Variants in CSMD1 observed in about 807,000 individuals in gnomAD.
CSMD1 encodes CUB and sushi domain-containing protein 1.
Under a neutral mutation model 417.5 loss-of-function variants are expected in CSMD1, and 213 were observed. The ratio of observed to expected loss-of-function variants is 0.51; its 90% confidence interval spans 0.46 to 0.57. The LOEUF (loss-of-function observed/expected upper bound fraction) is 0.57. Among genes scored for constraint, CSMD1 ranks in the 20% least tolerant of loss-of-function variants. The probability of loss-of-function intolerance (pLI) is 0.00; values close to 1 mark genes in which losing one functional copy is unlikely to be tolerated. For synonymous variants in CSMD1, 2,862 were observed against 1,736.8 expected (o/e 1.65, Z -16.11); for missense variants, 6,923 against 4,529.7 (o/e 1.53, Z -15.17).
At chr8:4,313,057 G>T (rs1179894681) in intron 3 of CSMD1, among the ~76,000 whole-genome samples, 1 of 152,080 alleles carries the variant, frequency 6.6e-6, no homozygotes, top group Non-Finnish European at 1.5e-5. Flanking sequence ...AACTACAAAT[G>T]AATATAGTCC....
chr8:4,208,755 C>T (rs761713053), intron 3 of CSMD1, among the ~76,000 whole-genome samples: 4 of 152,122 alleles, frequency 2.6e-5, no homozygotes, highest in South Asian at 4.2e-4. Flanking sequence ...AATATATTGT[C>T]GTGGAAATTT....
intron 3 of CSMD1, among the ~76,000 whole-genome samples, chr8:4,296,322 T>C (rs2128870542): frequency 6.6e-6 from 1 of 152,272 alleles, no homozygotes; most frequent in South Asian, 2.1e-4. Context: ...TTATAAATTC[T>C]ATAGTTCAGG....
At chr8:4,865,794 C>A (rs1802393464) in intron 1 of CSMD1, among the ~76,000 whole-genome samples, 1 of 151,940 alleles carries the variant, frequency 6.6e-6, no homozygotes, top group African/African-American at 2.4e-5. Flanking sequence ...ATGCATTGCC[C>A]AGTTTTTTAA....
At chr8:3,367,309 CAG>C in intron 19 of CSMD1, 62 bp from the exon 20 acceptor site, 1 of 1,046,014 alleles carries the variant, frequency 9.6e-7, no homozygotes, top group Non-Finnish European at 1.4e-6. Context: ...GCGGCGGGGG[CAG>C]AGAGGGAGCG....
intron 5 of CSMD1, among the ~76,000 whole-genome samples, chr8:3,891,955 C>A (rs903111093): frequency 6.6e-6 from 1 of 152,054 alleles, no homozygotes; most frequent in African/African-American, 2.4e-5. Context: ...CATTTTCCAG[C>A]GTCCAAAAGC....
At chr8:3,860,538 C>T (rs1280431554) in intron 5 of CSMD1, among the ~76,000 whole-genome samples, 3 of 152,012 alleles carry the variant, frequency 2.0e-5, no homozygotes, top group Non-Finnish European at 1.5e-5. Context: ...CTCTGGTGGC[C>T]TGGATTTACC....
At chr8:4,483,133 T>G (rs1464971072) in intron 2 of CSMD1, among the ~76,000 whole-genome samples, 19 of 152,264 alleles carry the variant, frequency 1.2e-4, no homozygotes, top group Admixed American at 1.2e-3. Flanking sequence ...TGGTGGTGGA[T>G]AAGTCTCATG....
chr8:4,704,831 T>A (rs1373891322), intron 1 of CSMD1, among the ~76,000 whole-genome samples: 1 of 152,142 alleles, frequency 6.6e-6, no homozygotes, highest in East Asian at 1.9e-4. Context: ...TCCTACTGCA[T>A]CTCTATGCTG....
intron 7 of CSMD1, among the ~76,000 whole-genome samples, chr8:3,669,185 T>C (rs1798857169): frequency 1.3e-5 from 2 of 152,214 alleles, no homozygotes; most frequent in East Asian, 1.9e-4. Context: ...TAAAGTTATG[T>C]TTTAATTGAA....
chr8:4,762,313 T>G (rs904220639), intron 1 of CSMD1, among the ~76,000 whole-genome samples: 17 of 152,164 alleles, frequency 1.1e-4, no homozygotes, highest in African/African-American at 4.1e-4. Context: ...AGCTGTTTAC[T>G]GGTATAACAT....
At chr8:2,939,317 G>A (rs186685133) in intron 69 of CSMD1, among the ~76,000 whole-genome samples, 44 of 152,182 alleles carry the variant, frequency 2.9e-4, no homozygotes, top group Non-Finnish European at 2.6e-4. Context: ...TCAAGTTTAA[G>A]CTTTTAGTTC....
chr8:4,018,639 G>A (rs990416221), intron 4 of CSMD1, among the ~76,000 whole-genome samples: 1 of 152,200 alleles, frequency 6.6e-6, no homozygotes, highest in African/African-American at 2.4e-5. Flanking sequence ...GTTTCTCAAG[G>A]AGAAAACACT....
At chr8:4,056,232 C>T (rs953157180) in intron 3 of CSMD1, among the ~76,000 whole-genome samples, 4 of 151,700 alleles carry the variant, frequency 2.6e-5, no homozygotes, top group African/African-American at 9.7e-5. Flanking sequence ...CAGGTGTGTA[C>T]TCCCACTCCT....
chr8:3,746,047 C>G (rs147177883), intron 6 of CSMD1, among the ~76,000 whole-genome samples: 3 of 152,114 alleles, frequency 2.0e-5, no homozygotes, highest in South Asian at 2.1e-4. Flanking sequence ...CAAAGCACAC[C>G]GCTACCTACA....
intron 12 of CSMD1, among the ~76,000 whole-genome samples, chr8:3,464,067 G>A (rs1052822371): frequency 6.6e-6 from 1 of 152,196 alleles, no homozygotes; most frequent in Non-Finnish European, 1.5e-5. Flanking sequence ...AATAGGTCTT[G>A]TTTTGACTAT....
intron 1 of CSMD1, among the ~76,000 whole-genome samples, chr8:4,722,782 A>T (rs1359155130): frequency 6.6e-6 from 1 of 152,176 alleles, no homozygotes; most frequent in African/African-American, 2.4e-5. Flanking sequence ...CAACTACTTG[A>T]ATATTTCAGG....
chr8:4,700,954 G>A (rs369822988), intron 1 of CSMD1, among the ~76,000 whole-genome samples: 46 of 152,084 alleles, frequency 3.0e-4, no homozygotes, highest in Non-Finnish European at 6.2e-4. Flanking sequence ...AGTAACCTTC[G>A]GTCTCCTGCA....
intron 6 of CSMD1, among the ~76,000 whole-genome samples, chr8:3,728,833 C>T (rs1168790619): frequency 2.0e-5 from 3 of 152,200 alleles, no homozygotes; most frequent in East Asian, 1.9e-4. Context: ...ATATTTCTAA[C>T]ATTAGTTCTT....
chr8:3,395,436 T>C (rs1180390710), intron 17 of CSMD1, among the ~76,000 whole-genome samples: 3 of 152,160 alleles, frequency 2.0e-5, no homozygotes, highest in Non-Finnish European at 4.4e-5. Context: ...GTGATTCCCA[T>C]CAGCTAGATT....
Sources: allele counts gnomAD v4.1 joint callset (sites outside exome capture counted in the v4.1 genomes callset), GRCh38; gene constraint gnomAD v4.1.1; transcripts MANE v1.5; gene names NCBI Gene and HGNC (gene_info 2026-07-23, HGNC 2026-07-21).